SNRNP70: variants seen among roughly 807,000 people sequenced by gnomAD.
The protein encoded by SNRNP70 is small nuclear ribonucleoprotein U1 subunit 70.
Under a neutral mutation model 50.5 loss-of-function variants are expected in SNRNP70, and 8 were observed. That is an observed-to-expected ratio of 0.16 (90% CI 0.09 to 0.29). The LOEUF (loss-of-function observed/expected upper bound fraction) is 0.29. SNRNP70 is among the 10% of genes least tolerant of loss of function. SNRNP70 has a pLI of 1.00. For missense variants in SNRNP70, 529 were observed against 663.5 expected (o/e 0.80, Z 2.23); for synonymous variants, 320 against 252.9 (o/e 1.27, Z -2.52).
Position 49,108,114 on chromosome 19 carries a change from G to A in SNRNP70, c.985G>A (p.Asp329Asn), listed in dbSNP as rs774342922. 1.9e-6 allele frequency: 3 copies of A among 1,550,060 alleles called. No homozygotes were observed. The highest frequency in any genetic ancestry group is 2.6e-6 in the Non-Finnish European group (3 of 1,148,252). The change falls in exon 10 of 10, where the codon GAT (aspartate) becomes AAT (asparagine). Residue 329 changes from aspartate to asparagine, a missense_variant. Physicochemically the swap from Asp to Asn is conservative, Grantham distance 23. Transcript: ENST00000598441. Reference protein sequence around the residue: ...PSEAGDAPPDDGPPGELGPDG... With the variant: ...PSEAGDAPPDNGPPGELGPDG... Reference sequence around the variant, plus strand: ...CGAGGCGGGTGACGCGCCCCCTGATGATGGGCCTCCAGGGGAGCTCGGGCC... The same window carrying A: ...CGAGGCGGGTGACGCGCCCCCTGATAATGGGCCTCCAGGGGAGCTCGGGCC...
chr19:49,086,732 T>TGGTCGAGTGC (rs1430348831), intron 2 of SNRNP70, among the ~76,000 whole-genome samples, 171 bp downstream of exon 2: 1 of 152,032 alleles, frequency 6.6e-6, no homozygotes, highest in African/African-American at 2.4e-5. Flanking sequence ...GTGTCGGGTG[T>TGGTCGAGTGC]GGTCGAGTGC....
chr19:49,102,475 C>T (rs953116441), intron 7 of SNRNP70: 72 of 258,030 alleles, frequency 2.8e-4, no homozygotes, highest in African/African-American at 1.3e-3. Flanking sequence ...ATGTCAGCGG[C>T]GAGGTGGCAG....
chr19:49,104,320 C>G lies in SNRNP70; in HGVS notation c.476-314C>G. ...TTTCTTTGCAGCGATTTTGGCCGCCCTGGCGGGAGGGGGCTGTTCCATCAT... is the reference window on the plus strand; with the variant it reads ...TTTCTTTGCAGCGATTTTGGCCGCCGTGGCGGGAGGGGGCTGTTCCATCAT... On this transcript the variant is annotated intron_variant, in intron 7 of 9. Coordinates refer to ENST00000598441, the MANE Select transcript of SNRNP70 (RefSeq NM_003089.6). The surrounding 1 kb of genome is among the most constrained non-coding windows in gnomAD (Gnocchi z 5.4). 1 of 314,678 alleles carries G rather than the reference C, an allele frequency of 3.2e-6. No homozygotes were observed. Among genetic ancestry groups the G allele is most frequent in the Non-Finnish European group, 5.9e-6 (1 of 168,324 alleles). The allele number at this position is 314,678 out of a possible 1,614,324, so 19.5% of individuals were successfully genotyped here.
At chr19:49,095,632 G>A (rs1433366149) in intron 4 of SNRNP70, among the ~76,000 whole-genome samples, 1 of 150,338 alleles carries the variant, frequency 6.7e-6, no homozygotes, top group Admixed American at 6.7e-5. Context: ...TCGCCTCCCT[G>A]GTTCAAGCGA....
At position 49,108,044 on chromosome 19, in the gene SNRNP70, C is replaced by G; in HGVS notation, c.915C>G (p.Arg305=). The G allele has an allele frequency of 3.2e-6, 5 of 1,549,852 alleles. No individual in the cohort carries two copies. The highest frequency in any genetic ancestry group is 4.4e-6 in the Non-Finnish European group (5 of 1,147,606). Residue 305 remains arginine (R), a synonymous_variant, in exon 10 of 10, where the codon CGC becomes CGG. Coordinates refer to ENST00000598441, the MANE Select transcript of SNRNP70 (RefSeq NM_003089.6). ...AGCGGGCCCGGCGGGAGCGGGAGCG[C>G]AAGGAGGAGCTGCGTGGCGGCGGTG... ...SRERARRERE[R]KEELRGGGGD... is the part of the protein sequence containing the mutation.
At chr19:49,098,749 G>A in intron 6 of SNRNP70, 45 bp downstream of exon 6, 2 of 1,489,048 alleles carry the variant, frequency 1.3e-6, no homozygotes, top group South Asian at 2.3e-5. Context: ...GTGCATGGAG[G>A]AGGGGCTGTA....
chr19:49,100,728 C>T (rs1481534590), intron 6 of SNRNP70, among the ~76,000 whole-genome samples: 1 of 150,944 alleles, frequency 6.6e-6, no homozygotes, highest in African/African-American at 2.4e-5. Flanking sequence ...ATCGCTTGAA[C>T]CCGGGAGGTG....
chr19:49,097,404 A>G (rs565698705), intron 4 of SNRNP70, among the ~76,000 whole-genome samples: 13 of 152,194 alleles, frequency 8.5e-5, no homozygotes, highest in Non-Finnish European at 1.8e-4. Context: ...TCAGTAAATT[A>G]TATGTCTAAT....
rs1023126234 is a variant in SNRNP70 at position 49,104,582 on chromosome 19, A to G, written c.476-52A>G. 2 of 1,388,598 alleles carry G rather than the reference A, an allele frequency of 1.4e-6. No individual in the cohort carries two copies. Among genetic ancestry groups the G allele is most frequent in the African/African-American group, 1.4e-5 (1 of 69,726 alleles). The allele number at this position is 1,388,598 out of a possible 1,614,324, so 86.0% of individuals were successfully genotyped here. On this transcript the variant is annotated intron_variant, in intron 7 of 9. Coordinates refer to ENST00000598441, the MANE Select transcript of SNRNP70 (RefSeq NM_003089.6). This position sits in a 1 kb window ranked among gnomAD's most constrained non-coding sequence, Gnocchi z 5.4. ...CTGTAGAGCTGGGCCTGTCCTGACTAGAGGACCCTCTGGGGACTCCTCTCC... is the reference window on the plus strand; with the variant it reads ...CTGTAGAGCTGGGCCTGTCCTGACTGGAGGACCCTCTGGGGACTCCTCTCC...
intron 4 of SNRNP70, among the ~76,000 whole-genome samples, chr19:49,096,240 A>T (rs2040511831): frequency 6.6e-6 from 1 of 151,752 alleles, no homozygotes; most frequent in Non-Finnish European, 1.5e-5. Context: ...TATTTTTAGT[A>T]GAGACGGGGT....
chr19:49,102,348 G>A (rs1003171427), intron 7 of SNRNP70: 4 of 352,122 alleles, frequency 1.1e-5, no homozygotes, highest in African/African-American at 2.2e-5. Context: ...CTCCTGCCCC[G>A]ATCCGTATGC....
At chr19:49,086,914 G>A (rs1348066285) in intron 2 of SNRNP70, among the ~76,000 whole-genome samples, 1 of 151,574 alleles carries the variant, frequency 6.6e-6, no homozygotes, top group Admixed American at 6.6e-5. Context: ...GGCCCGGTAC[G>A]GTGGCTCACG....
chr19:49,108,513 C>T lies in SNRNP70; in HGVS notation c.*70C>T, dbSNP rs913157116. ...CAGCCCCTTGCTGTCATCCCCTCCC[C>T]CAACCTTGGCCACTTGAGTTTGTCC... is the stretch of plus-strand genomic sequence containing the variant. On this transcript the variant is annotated 3_prime_UTR_variant, in exon 10 of 10. Transcript: ENST00000598441. The T allele has an allele frequency of 6.6e-7, 1 of 1,521,212 alleles. No homozygotes were observed. The highest frequency in any genetic ancestry group is 1.4e-5 in the African/African-American group (1 of 72,232). The allele number at this position is 1,521,212 out of a possible 1,614,324, so 94.2% of individuals were successfully genotyped here. A position where few individuals can be genotyped will look rare whatever the true frequency, so the allele number is the denominator to read the frequency against.
Position 49,108,520 on chromosome 19 carries a change from T to G in SNRNP70, c.*77T>G. On this transcript the variant is annotated 3_prime_UTR_variant, in exon 10 of 10. Transcript: ENST00000598441. The stretch of plus-strand genomic sequence containing the variant: ...TTGCTGTCATCCCCTCCCCCAACCT[T>G]GGCCACTTGAGTTTGTCCTCCAAGG... 2 of 1,516,412 alleles carry G rather than the reference T, an allele frequency of 1.3e-6. No individual in the cohort carries two copies. Among genetic ancestry groups the G allele is most frequent in the Middle Eastern group, 2.1e-4 (1 of 4,818 alleles). The allele number at this position is 1,516,412 out of a possible 1,614,324, so 93.9% of individuals were successfully genotyped here. A position where few individuals can be genotyped will look rare whatever the true frequency, so the allele number is the denominator to read the frequency against.
At chr19:49,095,106 GA>G (rs1254829167) in intron 4 of SNRNP70, among the ~76,000 whole-genome samples, 2 of 152,366 alleles carry the variant, frequency 1.3e-5, no homozygotes, top group African/African-American at 4.8e-5. Context: ...CTATCTTCAG[GA>G]CTTGGGGGTA....
chr19:49,104,853 C>T lies in SNRNP70; in HGVS notation c.577+118C>T. ...TGCCGGCCCACCTCTCCCATCGCGT[C>T]CTCATCTCCGGCTTCTCTCTCTTGT... On this transcript the variant is annotated intron_variant, in intron 8 of 9. Coordinates refer to ENST00000598441, the MANE Select transcript of SNRNP70 (RefSeq NM_003089.6). This position sits in a 1 kb window ranked among gnomAD's most constrained non-coding sequence, Gnocchi z 5.4. 6.5e-6 allele frequency: 4 copies of T among 618,146 alleles called. No homozygotes were observed. In the South Asian group the frequency reaches 8.2e-5, roughly 13 times the overall value. The allele number at this position is 618,146 out of a possible 1,614,324, so 38.3% of individuals were successfully genotyped here.
chr19:49,086,646 C>T lies in SNRNP70; in HGVS notation c.147+85C>T, dbSNP rs1047396867. ...GCGAGTCCAGCTTCTGGCCATTTTG[C>T]CAGCTGCGTGATTTAAGCGAGGGGC... On this transcript the variant is annotated intron_variant, in intron 2 of 9. Coordinates refer to ENST00000598441, the MANE Select transcript of SNRNP70 (RefSeq NM_003089.6). 2.3e-6 allele frequency: 3 copies of T among 1,292,914 alleles called. No individual in the cohort carries two copies. The East Asian group carries it at 7.1e-5, about 31-fold the overall frequency. 80.1% of individuals were successfully genotyped at this position (1,292,914 alleles called of 1,614,324 possible). A position where few individuals can be genotyped will look rare whatever the true frequency, so the allele number is the denominator to read the frequency against.
intron 8 of SNRNP70, among the ~76,000 whole-genome samples, chr19:49,105,502 G>T (rs1030279543): frequency 3.3e-5 from 5 of 151,994 alleles, no homozygotes; most frequent in African/African-American, 1.2e-4. Flanking sequence ...GCCGAGGCGG[G>T]TGGATCATGA....
intron 2 of SNRNP70, 42 bp from the exon 3 acceptor site, chr19:49,090,249 C>T: frequency 1.3e-6 from 2 of 1,575,008 alleles, no homozygotes; most frequent in Non-Finnish European, 1.7e-6. Context: ...TTGCCATTTC[C>T]CCCAGTCCTT....
Sources: gnomAD v4.1 joint callset for allele counts (sites outside exome capture counted in the v4.1 genomes callset) on GRCh38, gnomAD v4.1.1 for gene constraint, Gnocchi (gnomAD v3.1) non-coding constraint, MANE v1.5 for transcripts, NCBI Gene and HGNC (gene_info 2026-07-23, HGNC 2026-07-21) for gene names.